MIPEP: variants seen among roughly 807,000 people sequenced by gnomAD.
MIPEP encodes mitochondrial intermediate peptidase.
In MIPEP, 79 loss-of-function variants were observed where a neutral mutation model predicts 90.3. That is an observed-to-expected ratio of 0.87 (90% CI 0.73 to 1.05). MIPEP has a LOEUF of 1.05. MIPEP is among the 50% of genes least tolerant of loss of function. The pLI is 0.00. For missense variants in MIPEP, 940 were observed against 905.6 expected, an observed-to-expected ratio of 1.04 and a Z score of -0.49; for synonymous variants, 334 against 315.8, an observed-to-expected ratio of 1.06 and a Z score of -0.61.
intron 18 of MIPEP, among the ~76,000 whole-genome samples, chr13:23,753,151 C>T (rs1212191733): frequency 6.6e-6 from 1 of 151,268 alleles, no homozygotes; most frequent in African/African-American, 2.4e-5. Flanking sequence ...GTGCATAAAC[C>T]CAGGAGGTGG....
At chr13:23,754,222 T>C (rs1027559031) in intron 18 of MIPEP, among the ~76,000 whole-genome samples, 1 of 152,162 alleles carries the variant, frequency 6.6e-6, no homozygotes, top group African/African-American at 2.4e-5. Context: ...ACCTGCTGTT[T>C]TGGGGTACAG....
intron 14 of MIPEP, among the ~76,000 whole-genome samples, chr13:23,833,630 T>C (rs2137449390): frequency 6.6e-6 from 1 of 152,342 alleles, no homozygotes; most frequent in East Asian, 1.9e-4. Context: ...CTTGGAGCAG[T>C]GACTCCAGCC....
intron 17 of MIPEP, among the ~76,000 whole-genome samples, chr13:23,759,667 C>T (rs778644897): frequency 1.1e-4 from 16 of 152,160 alleles, no homozygotes; most frequent in Non-Finnish European, 2.2e-4. Flanking sequence ...CCTAGGCACC[C>T]CTACTTCCTC....
Position 23,836,289 on chromosome 13 carries a change from T to C in MIPEP, c.1604A>G (p.Asn535Ser). Reference protein sequence around the residue: ...VPSILMEYFANDYRVVNQFAR... With the variant: ...VPSILMEYFASDYRVVNQFAR... ...AAATTGGTTAACTACTCGATAATCA[T>C]TTGCAAAGTACTCCATCAGAATAGA... The change falls in exon 14 of 19, where the codon AAT becomes AGT. Residue 535 changes from asparagine to serine, a missense_variant. Transcript: ENST00000382172. 1 of 1,607,522 alleles carries C rather than the reference T, an allele frequency of 6.2e-7. No homozygotes were observed. Among genetic ancestry groups the C allele is most frequent in the African/African-American group, 1.3e-5 (1 of 74,672 alleles).
At chr13:23,882,985 A>C (rs1018223723) in intron 2 of MIPEP, among the ~76,000 whole-genome samples, 6 of 152,112 alleles carry the variant, frequency 3.9e-5, no homozygotes, top group Non-Finnish European at 8.8e-5. Context: ...TTACATAAAA[A>C]CTGTATTAAA....
At chr13:23,872,465 A>AAAAAAAAAAAAAAATAATAAT (rs1566024765) in intron 5 of MIPEP, among the ~76,000 whole-genome samples, 1 of 152,152 alleles carries the variant, frequency 6.6e-6, no homozygotes, top group East Asian at 1.9e-4. Context: ...CTGTCTCAAA[A>AAAAAAAAAAAAAAATAATAAT]AATAATAATA....
At position 23,825,015 on chromosome 13, in the gene MIPEP, G is replaced by A. The variant is rs115106940; in HGVS notation, c.1653+11225C>T. ...AATAATACTGTGCTTTACAGTTTGC[G>A]TCCATTATTAAATTTGTCCAAAAAT... On this transcript the variant is annotated intron_variant, in intron 14 of 18. Coordinates refer to ENST00000382172, the MANE Select transcript of MIPEP (RefSeq NM_005932.4). 6.0e-3 allele frequency among the ~76,000 whole-genome samples: 912 copies of A among 152,208 alleles called. 13 individuals carry two copies. Among genetic ancestry groups the A allele is most frequent in the African/African-American group, 0.019 (803 of 41,530 alleles).
At chr13:23,828,613 A>G (rs1868586331) in intron 14 of MIPEP, among the ~76,000 whole-genome samples, 2 of 152,230 alleles carry the variant, frequency 1.3e-5, no homozygotes, top group Admixed American at 1.3e-4. Context: ...ACAAAAGCTG[A>G]CCAAGGCCCT....
intron 18 of MIPEP, among the ~76,000 whole-genome samples, chr13:23,739,235 A>G (rs1287538329): frequency 6.6e-6 from 1 of 152,226 alleles, no homozygotes; most frequent in African/African-American, 2.4e-5. Context: ...ACAGATCTGT[A>G]GTGGGGACGG....
chr13:23,776,811 AC>A (rs1952722498), intron 16 of MIPEP, among the ~76,000 whole-genome samples: 4 of 124,638 alleles, frequency 3.2e-5, no homozygotes, highest in African/African-American at 1.0e-4. Context: ...GTAGCTTGTG[AC>A]CTGCATTAAA....
At chr13:23,888,374 C>G (rs1391988962) in intron 1 of MIPEP, among the ~76,000 whole-genome samples, 2 of 152,188 alleles carry the variant, frequency 1.3e-5, no homozygotes, top group African/African-American at 4.8e-5. Context: ...TAAGGCAATA[C>G]AGTATAACGA....
chr13:23,827,051 T>C (rs976661621), intron 14 of MIPEP, among the ~76,000 whole-genome samples: 9 of 152,338 alleles, frequency 5.9e-5, no homozygotes, highest in South Asian at 2.1e-4. Flanking sequence ...CAGCAGGATG[T>C]ACACAGGTTA....
intron 3 of MIPEP, among the ~76,000 whole-genome samples, chr13:23,880,189 TCTG>T (rs1871219880): frequency 1.3e-5 from 2 of 152,152 alleles, no homozygotes; most frequent in South Asian, 4.1e-4. Context: ...TCGAAGGGTT[TCTG>T]CTACCATTCT....
chr13:23,752,647 G>A (rs1277511541), intron 18 of MIPEP, among the ~76,000 whole-genome samples: 2 of 152,092 alleles, frequency 1.3e-5, no homozygotes, highest in Non-Finnish European at 2.9e-5. Context: ...AACCATTGTG[G>A]GGGTATGAGA....
At chr13:23,847,393 A>G (rs1354890835) in intron 10 of MIPEP, among the ~76,000 whole-genome samples, 1 of 151,896 alleles carries the variant, frequency 6.6e-6, no homozygotes, top group Non-Finnish European at 1.5e-5. Context: ...TGTGTTGAAG[A>G]AAGAATTTTA....
At chr13:23,823,175 C>T (rs7327303) in intron 14 of MIPEP, among the ~76,000 whole-genome samples, 94,181 of 151,748 alleles carry the variant, frequency 0.62, 30,388 homozygotes, top group East Asian at 0.78. Flanking sequence ...AAAAATGGTC[C>T]GTAAGGAGGA....
At chr13:23,763,013 G>A (rs1018217599) in intron 16 of MIPEP, among the ~76,000 whole-genome samples, 1 of 152,208 alleles carries the variant, frequency 6.6e-6, no homozygotes, top group Non-Finnish European at 1.5e-5. Context: ...ATCCTATTAA[G>A]ATGCAAGTGC....
chr13:23,742,417 T>C (rs903925537), intron 18 of MIPEP, among the ~76,000 whole-genome samples: 9 of 152,186 alleles, frequency 5.9e-5, no homozygotes, highest in African/African-American at 1.2e-4. Context: ...AAGTAAAATG[T>C]TGGAGTTTAG....
intron 10 of MIPEP, among the ~76,000 whole-genome samples, chr13:23,846,461 T>C (rs565247597): frequency 6.6e-6 from 1 of 152,340 alleles, no homozygotes; most frequent in East Asian, 1.9e-4. Flanking sequence ...TTATCCAAAA[T>C]GCTTGGGATA....
Sources: allele counts gnomAD v4.1 joint callset (sites outside exome capture counted in the v4.1 genomes callset), GRCh38; gene constraint gnomAD v4.1.1; transcripts MANE v1.5; gene names NCBI Gene and HGNC (gene_info 2026-07-23, HGNC 2026-07-21).